Variants in DOCK5 observed in about 807,000 individuals in gnomAD.
DOCK5 encodes the protein dedicator of cytokinesis 5, also known as dedicator of cytokinesis protein 5.
In DOCK5, 142 loss-of-function variants were observed where a neutral mutation model predicts 251.8. The ratio of observed to expected loss-of-function variants is 0.56; its 90% confidence interval spans 0.49 to 0.65. The LOEUF (loss-of-function observed/expected upper bound fraction) is 0.65. DOCK5 is among the 30% of genes least tolerant of loss of function. The pLI is 0.00. For missense variants in DOCK5, 2,111 were observed against 2,312.3 expected, an observed-to-expected ratio of 0.91 and a Z score of 1.79; for synonymous variants, 842 against 835.5, an observed-to-expected ratio of 1.01 and a Z score of -0.13.
chr8:25,261,206 T>C (rs1360065161), intron 2 of DOCK5, among the ~76,000 whole-genome samples: 2 of 152,216 alleles, frequency 1.3e-5, no homozygotes, highest in Non-Finnish European at 2.9e-5. Flanking sequence ...TATATGCTTG[T>C]GTGTTTACAT....
intron 1 of DOCK5, among the ~76,000 whole-genome samples, chr8:25,219,566 G>A (rs1483372756): frequency 6.6e-6 from 1 of 152,148 alleles, no homozygotes; most frequent in Non-Finnish European, 1.5e-5. Context: ...AAGGTTCCGT[G>A]GTAACTTTTG....
chr8:25,367,703 G>T (rs1800800592), intron 31 of DOCK5, among the ~76,000 whole-genome samples: 1 of 152,148 alleles, frequency 6.6e-6, no homozygotes. Flanking sequence ...TCCCTTTGTG[G>T]ACAGTATCAC....
rs752953999 is a variant in DOCK5, at chr8:25,209,236, G to T, written c.43+24285G>T. 1.9e-4 allele frequency among the ~76,000 whole-genome samples: 4 copies of T among 20,556 alleles called. 2 individuals carry two copies. Among genetic ancestry groups the T allele is most frequent in the Non-Finnish European group, 1.3e-3 (4 of 2,996 alleles). The allele number at this position is 20,556 out of a possible 152,430, so 13.5% of individuals were successfully genotyped here. On this transcript the variant is annotated intron_variant, in intron 1 of 51. Transcript: ENST00000276440. The stretch of plus-strand genomic sequence containing the variant: ...ACGCAAGTTCGTGAATAATTAAATT[G>T]TTAGGAAGGGGAAAGTCATGCATGG...
At position 25,400,000 on chromosome 8, in the gene DOCK5, G is replaced by T. The variant is rs1443891039; in HGVS notation, c.4788+6G>T. Reference sequence around the variant, plus strand: ...AGCGACTAATAGCATTACAGGTACAGGACGGCTTTCCTCTACACTCCCAGG... The same window carrying T: ...AGCGACTAATAGCATTACAGGTACATGACGGCTTTCCTCTACACTCCCAGG... On this transcript the variant is annotated splice_donor_region_variant and intron_variant, in intron 46 of 51. Coordinates refer to ENST00000276440, the MANE Select transcript of DOCK5 (RefSeq NM_024940.8). 3.1e-6 allele frequency: 5 copies of T among 1,612,684 alleles called. No individual in the cohort carries two copies. Among genetic ancestry groups the T allele is most frequent in the Non-Finnish European group, 4.2e-6 (5 of 1,179,224 alleles).
rs189330079 is a variant in DOCK5 at position 25,391,008 on chromosome 8, C to T, written c.4355+721C>T. On this transcript the variant is annotated intron_variant, in intron 42 of 51. Transcript: ENST00000276440. ...TATTTTAATAGAGACGGGGTTTCAC[C>T]GTGTTGCCCAGGCTGGTCTCAAACT... is the stretch of plus-strand genomic sequence containing the variant. Among the ~76,000 whole-genome samples, 500 of 151,878 alleles carry T rather than the reference C, an allele frequency of 3.3e-3. 3 individuals are homozygous for T. Among genetic ancestry groups the T allele is most frequent in the Middle Eastern group, 6.9e-3 (2 of 290 alleles).
intron 5 of DOCK5, among the ~76,000 whole-genome samples, chr8:25,286,037 C>T (rs977603249): frequency 6.6e-6 from 1 of 152,124 alleles, no homozygotes; most frequent in East Asian, 1.9e-4. Flanking sequence ...CTTTAAAAAT[C>T]AGACCTTTGC....
chr8:25,253,800 A>G lies in DOCK5; in HGVS notation c.127+10043A>G, dbSNP rs906108877. Among the ~76,000 whole-genome samples, 4 of 152,226 alleles carry G rather than the reference A, an allele frequency of 2.6e-5. No individual in the cohort carries two copies. The South Asian group carries it at 6.2e-4, about 24-fold the overall frequency. On this transcript the variant is annotated intron_variant, in intron 2 of 51. Transcript: ENST00000276440. The stretch of plus-strand genomic sequence containing the variant: ...CCATGTTCATGGGTAGGGAGACTCA[A>G]TGTCAAAATGTCAGTTCTTCTGAAG...
intron 40 of DOCK5, among the ~76,000 whole-genome samples, chr8:25,388,493 A>AAAT (rs1226529979): frequency 6.6e-6 from 1 of 152,210 alleles, no homozygotes; most frequent in Non-Finnish European, 1.5e-5. Context: ...AGAGTGGAGA[A>AAAT]AATAGTATTT....
intron 13 of DOCK5, among the ~76,000 whole-genome samples, chr8:25,316,176 T>A (rs959796160): frequency 6.6e-6 from 1 of 152,094 alleles, no homozygotes; most frequent in African/African-American, 2.4e-5. Context: ...TAAACTGATT[T>A]AAAGAAATAA....
intron 5 of DOCK5, among the ~76,000 whole-genome samples, chr8:25,284,945 A>G (rs1444921783): frequency 6.6e-6 from 1 of 152,184 alleles, no homozygotes; most frequent in African/African-American, 2.4e-5. Flanking sequence ...GCTGTGCACC[A>G]TCTCACCCTA....
At position 25,351,822 on chromosome 8, in the gene DOCK5, A is replaced by G. The variant is rs138358264; in HGVS notation, c.2846A>G (p.His949Arg). Residue 949 changes from histidine to arginine, a missense_variant, in exon 27 of 52, where the codon CAC (histidine) becomes CGC (arginine). Physicochemically the swap from His to Arg is conservative, Grantham distance 29. Transcript: ENST00000276440. ...ATTGGGATGAACCGGCAGTCTCCCC[A>G]CATCGTGAGTATCTCTTTGTTGGAT... ...TVIGMNRQSPHIGSFVACMIA... is the reference protein window; with the variant it reads ...TVIGMNRQSPRIGSFVACMIA... The G allele has an allele frequency of 2.5e-6, 4 of 1,613,416 alleles. No individual in the cohort carries two copies. The highest frequency in any genetic ancestry group is 1.7e-5 in the Admixed American group (1 of 59,970).
intron 23 of DOCK5, 36 bp from the exon 24 acceptor site, chr8:25,341,703 T>G: frequency 6.5e-7 from 1 of 1,532,426 alleles, no homozygotes; most frequent in South Asian, 1.2e-5. Context: ...TTGTCTTGCC[T>G]GGCAACTGAA....
Position 25,217,131 on chromosome 8 carries a change from C to T in DOCK5, c.44-26543C>T, listed in dbSNP as rs149765035. Among the ~76,000 whole-genome samples the T allele has an allele frequency of 6.2e-3, 919 of 147,382 alleles. 4 individuals carry two copies. The highest frequency in any genetic ancestry group is 8.3e-3 in the Non-Finnish European group (555 of 67,132). ...ATACGTATATATGTGTATATATACA[C>T]GAATGCAGGAGAAGGTGATAGCATT... is the stretch of plus-strand genomic sequence containing the variant. On this transcript the variant is annotated intron_variant, in intron 1 of 51. Coordinates refer to ENST00000276440, the MANE Select transcript of DOCK5 (RefSeq NM_024940.8).
In DOCK5 at chr8:25,377,303, A is replaced by G. The variant is rs1287631522; in HGVS notation, c.3817-2A>G. On this transcript the variant is annotated splice_acceptor_variant, in intron 37 of 51. Transcript: ENST00000276440. LOFTEE classifies it high-confidence loss of function. The stretch of plus-strand genomic sequence containing the variant: ...CCGTGTGTCGCTTTTCTTCCTTTTC[A>G]GTGGTCTGACAAGCCCTGTGTGCCT... 1 of 1,605,538 alleles carries G rather than the reference A, an allele frequency of 6.2e-7. No individual in the cohort carries two copies. The highest frequency in any genetic ancestry group is 8.5e-7 in the Non-Finnish European group (1 of 1,176,610).
intron 40 of DOCK5, among the ~76,000 whole-genome samples, chr8:25,383,207 T>G (rs1035853805): frequency 2.0e-5 from 3 of 152,206 alleles, no homozygotes; most frequent in African/African-American, 7.2e-5. Flanking sequence ...GTATTTTTCT[T>G]CCATCTCAAA....
rs547519425 is a variant in DOCK5 at position 25,382,551 on chromosome 8, G to GT, written c.4027-119dup. On this transcript the variant is annotated intron_variant, in intron 39 of 51. Coordinates refer to ENST00000276440, the MANE Select transcript of DOCK5 (RefSeq NM_024940.8). ...GATAACCCTTTTCTGCCCATAGGGT[G>GT]TTTTCCAAAGACCTTTCATTGCTCT... 7.6e-5 allele frequency: 58 copies of GT among 766,766 alleles called. 1 individual carries two copies. The African/African-American group carries it at 9.8e-4, about 13-fold the overall frequency. 47.5% of individuals were successfully genotyped at this position (766,766 alleles called of 1,614,324 possible).
chr8:25,309,065 A>G (rs548731460), intron 12 of DOCK5, 140 bp downstream of exon 12: 21 of 1,132,472 alleles, frequency 1.9e-5, no homozygotes, highest in African/African-American at 4.7e-5. Context: ...TCAGCTTCCA[A>G]CCACAGGCTT....
At chr8:25,324,619 C>G (rs1178975185) in intron 17 of DOCK5, among the ~76,000 whole-genome samples, 3 of 152,172 alleles carry the variant, frequency 2.0e-5, no homozygotes, top group Non-Finnish European at 4.4e-5. Context: ...AATTCTTCTT[C>G]CATCAACCCA....
intron 3 of DOCK5, among the ~76,000 whole-genome samples, chr8:25,271,516 G>A (rs1050632338): frequency 3.3e-5 from 5 of 152,162 alleles, no homozygotes; most frequent in Non-Finnish European, 7.3e-5. Flanking sequence ...AAGGGGAAGA[G>A]CTACTTGAAA....
Sources: allele counts gnomAD v4.1 joint callset (sites outside exome capture counted in the v4.1 genomes callset), GRCh38; gene constraint gnomAD v4.1.1; transcripts MANE v1.5; gene names NCBI Gene and HGNC (gene_info 2026-07-23, HGNC 2026-07-21).